Variants in MTTP observed in about 807,000 individuals in gnomAD.
MTTP encodes the protein microsomal triglyceride transfer protein, also known as microsomal triglyceride transfer protein large subunit.
MTTP carries 49 observed loss-of-function variants against 90.6 expected under a neutral mutation model. The ratio of observed to expected loss-of-function variants is 0.54; its 90% CI spans 0.43 to 0.69. The LOEUF (loss-of-function observed/expected upper bound fraction) is 0.69, where lower values mean the gene tolerates loss of function less well. MTTP is among the 30% of genes least tolerant of loss of function. The pLI is 0.00. For synonymous variants in MTTP, 347 were observed against 384.2 expected (o/e 0.90, Z 1.13); for missense variants, 945 against 1,067.5 (o/e 0.89, Z 1.60).
chr4:99,576,630 G>A (rs1724968042), intron 1 of MTTP, among the ~76,000 whole-genome samples: 1 of 138,228 alleles, frequency 7.2e-6, no homozygotes, highest in South Asian at 2.3e-4. Context: ...GGGAGGCGGA[G>A]CTTGCAGTGA....
intron 5 of MTTP, 106 bp from the exon 6 acceptor site, chr4:99,591,545 G>A (rs1725420952): frequency 1.5e-6 from 2 of 1,296,984 alleles, no homozygotes; most frequent in Non-Finnish European, 2.2e-6. Flanking sequence ...AGGGATGGGT[G>A]TAATGGGGAA....
chr4:99,610,220 C>T (rs774058167), intron 12 of MTTP, among the ~76,000 whole-genome samples: 16 of 152,184 alleles, frequency 1.1e-4, no homozygotes, highest in Non-Finnish European at 2.2e-4. Flanking sequence ...TGTTCAGAGA[C>T]TCTCACCATT....
chr4:99,594,658 A>G, intron 6 of MTTP, 75 bp from the exon 7 acceptor site: 1 of 1,563,470 alleles, frequency 6.4e-7, no homozygotes, highest in Non-Finnish European at 8.8e-7. Flanking sequence ...CTTGTTTGCC[A>G]AAAGAATGGC....
intron 1 of MTTP, among the ~76,000 whole-genome samples, chr4:99,577,145 C>CT (rs1437808793): frequency 1.3e-5 from 2 of 152,200 alleles, no homozygotes; most frequent in Non-Finnish European, 2.9e-5. Context: ...CTTGTAACAA[C>CT]TGACATTAAT....
chr4:99,616,672 T>C (rs917526021), intron 15 of MTTP, among the ~76,000 whole-genome samples: 6 of 152,078 alleles, frequency 3.9e-5, no homozygotes, highest in African/African-American at 1.4e-4. Context: ...AAGAGTGCTT[T>C]GTTTTTCTAC....
chr4:99,608,067 GTATCCTTAAAA>G (rs1725862030), intron 11 of MTTP, among the ~76,000 whole-genome samples: 1 of 152,118 alleles, frequency 6.6e-6, no homozygotes, highest in African/African-American at 2.4e-5. Flanking sequence ...ATGCCATGTA[GTATCCTTAAAA>G]TTCTATATTA....
At chr4:99,585,917 G>A (rs2110214204) in intron 3 of MTTP, among the ~76,000 whole-genome samples, 1 of 152,248 alleles carries the variant, frequency 6.6e-6, no homozygotes, top group East Asian at 1.9e-4. Context: ...CCATGTCACT[G>A]TCAGAAAGAT....
At chr4:99,605,308 CT>C (rs971618458) in intron 10 of MTTP, among the ~76,000 whole-genome samples, 1 of 152,046 alleles carries the variant, frequency 6.6e-6, no homozygotes, top group African/African-American at 2.4e-5. Flanking sequence ...CATTTACATA[CT>C]TTTTTGCACA....
intron 15 of MTTP, 96 bp from the exon 16 acceptor site, chr4:99,618,878 T>C: frequency 6.7e-7 from 1 of 1,493,210 alleles, no homozygotes; most frequent in Middle Eastern, 2.3e-4. Flanking sequence ...TCAAATGGAA[T>C]TATCTACAGC....
chr4:99,574,139 G>A (rs1390511326), upstream of MTTP, among the ~76,000 whole-genome samples: 1 of 152,216 alleles, frequency 6.6e-6, no homozygotes, highest in Admixed American at 6.5e-5. Context: ...CATCCAGCCT[G>A]TTTGGGAACT....
chr4:99,587,988 CA>C (rs1362718866), intron 3 of MTTP, among the ~76,000 whole-genome samples: 1 of 152,082 alleles, frequency 6.6e-6, no homozygotes, highest in East Asian at 1.9e-4. Flanking sequence ...CTAAGTCGGA[CA>C]AACACTATTC....
chr4:99,580,747 T>C (rs1725089931), intron 1 of MTTP, among the ~76,000 whole-genome samples: 1 of 152,140 alleles, frequency 6.6e-6, no homozygotes, highest in South Asian at 2.1e-4. Flanking sequence ...AGTTAATACA[T>C]GTAACATGCA....
intron 12 of MTTP, 101 bp from the exon 13 acceptor site, chr4:99,611,042 G>T (rs1725935656): frequency 7.8e-7 from 1 of 1,287,702 alleles, no homozygotes; most frequent in Non-Finnish European, 1.1e-6. Context: ...GGAAAATTTG[G>T]CTTCCTCTTT....
At chr4:99,576,226 C>CCAAATAAAG (rs1291439436) in intron 1 of MTTP, among the ~76,000 whole-genome samples, 1 of 152,050 alleles carries the variant, frequency 6.6e-6, no homozygotes, top group African/African-American at 2.4e-5. Context: ...ATTTCATCTG[C>CCAAATAAAG]CAAATAAACT....
intron 2 of MTTP, among the ~76,000 whole-genome samples, chr4:99,582,804 G>A (rs1161003834): frequency 6.6e-6 from 1 of 152,032 alleles, no homozygotes; most frequent in Non-Finnish European, 1.5e-5. Context: ...TTATATTGAG[G>A]TGTCATAGCA....
intron 3 of MTTP, chr4:99,583,765 A>C: frequency 1.7e-6 from 1 of 584,624 alleles, no homozygotes; most frequent in Non-Finnish European, 3.0e-6. Context: ...TGAAGTATTT[A>C]TTTATTGATG....
chr4:99,570,755 T>C (rs921407978), upstream of MTTP: 14 of 455,784 alleles, frequency 3.1e-5, no homozygotes, highest in Non-Finnish European at 6.2e-5. Flanking sequence ...ACAGAAGAGA[T>C]GGTCAGAGTG....
chr4:99,614,190 G>T (rs1456935638), intron 15 of MTTP, among the ~76,000 whole-genome samples: 1 of 152,114 alleles, frequency 6.6e-6, no homozygotes, highest in Non-Finnish European at 1.5e-5. Context: ...TTCTTGCTAT[G>T]TGCTCTTGGG....
chr4:99,591,676 C>T lies in MTTP; in HGVS notation c.644C>T (p.Thr215Ile). ...GTCTTGGGTGTCAGTTCAAAAGCTACATCTGTCACCACCTATAAGATAGAA... is the reference window on the plus strand; with the variant it reads ...GTCTTGGGTGTCAGTTCAAAAGCTATATCTGTCACCACCTATAAGATAGAA... The part of the protein sequence containing the change: ...NQVLGVSSKA[T>I]SVTTYKIEDS... Residue 215 changes from threonine to isoleucine, a missense_variant, in exon 6 of 18, where the codon ACA becomes ATA. Physicochemically the swap from Thr to Ile is moderately conservative, Grantham distance 89. Coordinates refer to ENST00000265517, the MANE Select transcript of MTTP (RefSeq NM_001386140.1). 1.2e-6 allele frequency: 2 copies of T among 1,612,798 alleles called. No homozygotes were observed. Among genetic ancestry groups the T allele is most frequent in the Non-Finnish European group, 1.7e-6 (2 of 1,178,990 alleles).
Sources: allele counts gnomAD v4.1 joint callset (sites outside exome capture counted in the v4.1 genomes callset), GRCh38; gene constraint gnomAD v4.1.1; transcripts MANE v1.5; gene names NCBI Gene and HGNC (gene_info 2026-07-23, HGNC 2026-07-21).